The following PIF1 variants were observed in gnomAD, a reference collection of about 807,000 sequenced individuals.
The protein encoded by PIF1 is ATP-dependent DNA helicase PIF1.
In PIF1, 67 loss-of-function variants were observed where a neutral mutation model predicts 62.3. That is an observed-to-expected ratio of 1.08 (90% confidence interval 0.88 to 1.32). The LOEUF (loss-of-function observed/expected upper bound fraction) is 1.32. Ranked by LOEUF, PIF1 falls within the 40% of genes most tolerant of loss-of-function variation. The probability of loss-of-function intolerance (pLI) is 0.00; values close to 1 mark genes in which losing one functional copy is unlikely to be tolerated. For synonymous variants in PIF1, 364 were observed against 379.5 expected (o/e 0.96, Z 0.47); for missense variants, 886 against 866.1 (o/e 1.02, Z -0.29).
chr15:64,819,480 T>C (rs942169138), intron 8 of PIF1, among the ~76,000 whole-genome samples: 3 of 152,076 alleles, frequency 2.0e-5, no homozygotes, highest in African/African-American at 7.2e-5. Flanking sequence ...CTAATTTTTT[T>C]CTATTTTTAG....
chr15:64,822,448 G>A (rs1241752615), intron 3 of PIF1, 30 bp downstream of exon 3: 34 of 1,613,194 alleles, frequency 2.1e-5, no homozygotes, highest in Non-Finnish European at 2.5e-5. Context: ...CCCCACCACT[G>A]TCCCCCTACC....
chr15:64,817,144 T>G (rs1446003336), intron 11 of PIF1, among the ~76,000 whole-genome samples: 3 of 152,004 alleles, frequency 2.0e-5, no homozygotes, highest in African/African-American at 7.3e-5. Flanking sequence ...ATACAATTTA[T>G]ACAATTTTAC....
At chr15:64,826,394 C>G (rs1026461748), upstream of PIF1, among the ~76,000 whole-genome samples, 16 of 151,626 alleles carry the variant, frequency 1.1e-4, no homozygotes, top group African/African-American at 3.9e-4. Flanking sequence ...CCTCATTTTA[C>G]AGATAATGAT....
rs2084282363 is a variant in PIF1, at chr15:64,821,227, C to T, written c.1026G>A (p.Gly342=). ...PFGGIQLIIC[G]DFLQLPPVTK... ...TCACAGGTGGCAGCTGCAGAAAGTC[C>T]CCACAGATGATGAGCTGGATCCCTC... is the stretch of plus-strand genomic sequence containing the variant. Residue 342 remains glycine, a synonymous_variant, in exon 6 of 13, where the codon GGG becomes GGA. Transcript: ENST00000559239. The T allele has an allele frequency of 2.5e-6, 4 of 1,614,208 alleles. No individual in the cohort carries two copies. Among genetic ancestry groups the T allele is most frequent in the Non-Finnish European group, 3.4e-6 (4 of 1,180,044 alleles).
intron 9 of PIF1, chr15:64,818,839 T>C (rs1268273496): frequency 8.0e-6 from 3 of 375,112 alleles, no homozygotes; most frequent in Non-Finnish European, 1.4e-5. Flanking sequence ...GGGTAGGTAT[T>C]TCATTCCCCA....
At position 64,823,786 on chromosome 15, in the gene PIF1, G is replaced by T; in HGVS notation, c.550C>A (p.Pro184Thr). ...RPVEPQAGAE[P>T]STEAPRWPLP... ...TTCTTTCCCGTCCTCACTGTGCTAG[G>T]CTCGGCCCCAGCCTGGGGCTCCACA... Residue 184 changes from proline to threonine, a missense_variant, in exon 2 of 13, where the codon CCT becomes ACT. Physicochemically the swap from Pro to Thr is conservative, Grantham distance 38. Coordinates refer to ENST00000559239, the MANE Select transcript of PIF1 (RefSeq NM_001286496.2). The T allele has an allele frequency of 7.5e-7, 1 of 1,335,230 alleles. No individual in the cohort carries two copies. Among genetic ancestry groups the T allele is most frequent in the Non-Finnish European group, 9.7e-7 (1 of 1,032,968 alleles). 82.7% of individuals were successfully genotyped at this position (1,335,230 alleles called of 1,614,324 possible).
At chr15:64,817,867 T>TA (rs1459174901) in intron 11 of PIF1, 79 bp downstream of exon 11, 66 of 1,471,636 alleles carry the variant, frequency 4.5e-5, no homozygotes, top group Non-Finnish European at 5.5e-5. Flanking sequence ...GTCTCAAAAA[T>TA]AAAAAAAAGA....
chr15:64,819,319 T>C (rs1213843691), intron 8 of PIF1, 96 bp from the exon 9 acceptor site: 2 of 887,586 alleles, frequency 2.3e-6, no homozygotes, highest in Non-Finnish European at 3.4e-6. Context: ...TTAATTTAAT[T>C]TTATTTTTTG....
rs139848058 is a variant in PIF1, at chr15:64,824,895, A to G, written c.-19-541T>C. The stretch of plus-strand genomic sequence containing the variant: ...TGTGTGTGTGTGTGTATATATATGT[A>G]TATATATATATACACACACGCACCC... On this transcript the variant is annotated intron_variant, in intron 1 of 12. Coordinates refer to ENST00000559239, the MANE Select transcript of PIF1 (RefSeq NM_001286496.2). 5.5e-3 allele frequency among the ~76,000 whole-genome samples: 788 copies of G among 142,136 alleles called. 4 individuals are homozygous for G. The highest frequency in any genetic ancestry group is 0.021 in the African/African-American group (733 of 34,974). 93.2% of individuals were successfully genotyped at this position (142,136 alleles called of 152,430 possible). A position where few individuals can be genotyped will look rare whatever the true frequency, so the allele number is the denominator to read the frequency against.
Position 64,824,006 on chromosome 15 carries a change from T to TG in PIF1, c.329dup (p.Asp111ArgfsTer75), listed in dbSNP as rs1209314898. 7.7e-6 allele frequency: 10 copies of TG among 1,297,292 alleles called. No individual in the cohort carries two copies. The highest frequency in any genetic ancestry group is 3.1e-5 in the African/African-American group (2 of 64,858). The allele number at this position is 1,297,292 out of a possible 1,614,324, so 80.4% of individuals were successfully genotyped here. On this transcript the variant is annotated frameshift_variant, in exon 2 of 13. Transcript: ENST00000559239. LOFTEE classifies it high-confidence loss of function. ...TGCGCAGGAAGCGGCGCAGGCGGTCTGGGGGGCAGTCCGAGAGCAGCAGCT... is the reference window on the plus strand; with the variant it reads ...TGCGCAGGAAGCGGCGCAGGCGGTCTGGGGGGGCAGTCCGAGAGCAGCAGCT...
At position 64,824,183 on chromosome 15, in the gene PIF1, G is replaced by T; in HGVS notation, c.153C>A (p.Arg51=). The T allele has an allele frequency of 7.5e-7, 1 of 1,340,720 alleles. No individual in the cohort carries two copies. The highest frequency in any genetic ancestry group is 9.6e-7 in the Non-Finnish European group (1 of 1,042,150). 83.1% of individuals were successfully genotyped at this position (1,340,720 alleles called of 1,614,324 possible). A position where few individuals can be genotyped will look rare whatever the true frequency, so the allele number is the denominator to read the frequency against. The stretch of plus-strand genomic sequence containing the variant: ...GCGCTTGCAGCCGCAGCATCAACTC[G>T]CGGCGCTCGTTGCGACCCAGGCTCA... ...AELSLGRNER[R]ELMLRLQAPG... is the part of the protein sequence containing the mutation. The change falls in exon 2 of 13, where the codon CGC becomes CGA. Residue 51 remains arginine (R), a synonymous_variant. Coordinates refer to ENST00000559239, the MANE Select transcript of PIF1 (RefSeq NM_001286496.2).
rs771478566 is a variant in PIF1 at position 64,816,762 on chromosome 15, T to C, written c.1678A>G (p.Met560Val). The C allele has an allele frequency of 3.0e-5, 48 of 1,583,296 alleles. No homozygotes were observed. Among genetic ancestry groups the C allele is most frequent in the Non-Finnish European group, 3.8e-5 (44 of 1,164,732 alleles). Residue 560 changes from methionine to valine, a missense_variant, in exon 12 of 13, where the codon ATG becomes GTG. By Grantham distance (21) the Met-to-Val change is conservative. Transcript: ENST00000559239. ...WAMSIHKSQG[M>V]TLDCVEISLG... is the part of the protein sequence containing the mutation. ...GAAATCTCCACACAATCCAGGGTCA[T>C]GCCCTGGGGGATGCAGGGACAGAGA...
chr15:64,818,979 C>T (rs1419800403), intron 9 of PIF1, 138 bp downstream of exon 9: 2 of 521,688 alleles, frequency 3.8e-6, no homozygotes, highest in Non-Finnish European at 6.6e-6. Context: ...TGGGTGGGAA[C>T]AGGAGGCAGG....
rs1555434463 is a variant in PIF1, at chr15:64,819,965, G to A, written c.1215C>T (p.Arg405=). 10 of 1,614,096 alleles carry A rather than the reference G, an allele frequency of 6.2e-6. No individual in the cohort carries two copies. In the South Asian group the frequency reaches 8.8e-5, roughly 14 times the overall value. ...RLGRCSDEVT[R]QLQATASHKV... is the part of the protein sequence containing the mutation. ...TGTGGGAAGCTGTGGCCTGGAGCTG[G>A]CGGGTCACCTCATCTGAACACCTGT... is the stretch of plus-strand genomic sequence containing the variant. Residue 405 remains arginine, a synonymous_variant, in exon 8 of 13, where the codon CGC becomes CGT. Coordinates refer to ENST00000559239, the MANE Select transcript of PIF1 (RefSeq NM_001286496.2).
intron 2 of PIF1, 51 bp from the exon 3 acceptor site, chr15:64,822,661 C>T: frequency 6.2e-7 from 1 of 1,607,574 alleles, no homozygotes; most frequent in South Asian, 1.1e-5. Flanking sequence ...CTAGGCATTG[C>T]CCCCACCCTT....
chr15:64,816,190 G>A lies in PIF1; in HGVS notation c.*108C>T. The A allele has an allele frequency of 6.4e-7, 1 of 1,563,490 alleles. No individual in the cohort carries two copies. Among genetic ancestry groups the A allele is most frequent in the African/African-American group, 1.3e-5 (1 of 74,082 alleles). On this transcript the variant is annotated 3_prime_UTR_variant, in exon 13 of 13. Transcript: ENST00000559239. ...TGAGAGTCCCTAAAAAATACAGAAG[G>A]GGACACTGCCTGCCTACTCCAGTTA...
Position 64,816,725 on chromosome 15 carries a change from ACACGGCC to A in PIF1, c.1708_1714del (p.Gly570CysfsTer99). The A allele has an allele frequency of 6.2e-7, 1 of 1,609,938 alleles. No individual in the cohort carries two copies. Among genetic ancestry groups the A allele is most frequent in the Non-Finnish European group, 8.5e-7 (1 of 1,178,712 alleles). ...CACATAGGCCTGGCCACTGGCAAACACACGGCCCAGAGAAATCTCCACACAATCCAGG... is the reference window on the plus strand; with the variant it reads ...CACATAGGCCTGGCCACTGGCAAACACAGAGAAATCTCCACACAATCCAGG... On this transcript the variant is annotated frameshift_variant, in exon 12 of 13. Transcript: ENST00000559239. LOFTEE classifies it high-confidence loss of function.
Position 64,824,108 on chromosome 15 carries a change from G to A in PIF1, c.228C>T (p.Leu76=). 1.6e-6 allele frequency: 2 copies of A among 1,269,286 alleles called. No homozygotes were observed. Among genetic ancestry groups the A allele is most frequent in the Non-Finnish European group, 2.0e-6 (2 of 1,008,892 alleles). The allele number at this position is 1,269,286 out of a possible 1,614,324, so 78.6% of individuals were successfully genotyped here. The change falls in exon 2 of 13, where the codon CTC becomes CTT. Residue 76 remains leucine (L), a synonymous_variant. Transcript: ENST00000559239. ...GCCCGGCCTCGGCGAAACGCGTGAA[G>A]AGGCGCGCGGCGCGCAGAGGAAAGC... ...PRCFPLRAAR[L]FTRFAEAGRS...
chr15:64,818,027 C>A lies in PIF1; in HGVS notation c.1593G>T (p.Val531=), dbSNP rs752284839. The A allele has an allele frequency of 1.9e-6, 3 of 1,613,568 alleles. No individual in the cohort carries two copies. Among genetic ancestry groups the A allele is most frequent in the Non-Finnish European group, 1.7e-6 (2 of 1,179,854 alleles). Residue 531 remains valine, a synonymous_variant, in exon 11 of 13, where the codon GTG becomes GTT. Transcript: ENST00000559239. Reference sequence around the variant, plus strand: ...TGAGGAGCTGGCCCCCGGTGGCCTGCACCGTCCAGCGGTCAGCGTGGATGA... The same window carrying A: ...TGAGGAGCTGGCCCCCGGTGGCCTGAACCGTCCAGCGGTCAGCGTGGATGA... ...TEVIHADRWT[V]QATGGQLLSR... is the part of the protein sequence containing the mutation.
Sources: gnomAD v4.1 joint callset for allele counts (sites outside exome capture counted in the v4.1 genomes callset) on GRCh38, gnomAD v4.1.1 for gene constraint, MANE v1.5 for transcripts, NCBI Gene and HGNC (gene_info 2026-07-23, HGNC 2026-07-21) for gene names.